RAB38: variants seen among roughly 807,000 people sequenced by gnomAD.
RAB38 encodes ras-related protein Rab-38.
Under a neutral mutation model 18.4 loss-of-function variants are expected in RAB38, and 15 were observed. The observed-to-expected ratio is 0.82, with a 90% CI of 0.55 to 1.26. The LOEUF is 1.26. Ranked by LOEUF, RAB38 falls within the 50% of genes most tolerant of loss-of-function variation. The pLI is 0.00. For missense variants in RAB38, 294 were observed against 267.4 expected, an observed-to-expected ratio of 1.10 and a Z score of -0.69; for synonymous variants, 101 against 104.4, an observed-to-expected ratio of 0.97 and a Z score of 0.20.
the RAB38 span, among the ~76,000 whole-genome samples, chr11:88,045,837 C>T: frequency 8.5e-5 from 13 of 152,122 alleles, no homozygotes; most frequent in African/African-American, 1.4e-4. Context: ...CGGGTATTGA[C>T]GGCCAGGCTT....
chr11:88,131,331 T>G (rs1202126330), intron 2 of RAB38, among the ~76,000 whole-genome samples: 1 of 152,214 alleles, frequency 6.6e-6, no homozygotes, highest in Non-Finnish European at 1.5e-5. Flanking sequence ...CCATTATTAA[T>G]TTCCATTTTT....
the RAB38 span, among the ~76,000 whole-genome samples, chr11:88,074,042 T>C: frequency 8.0e-6 from 1 of 124,814 alleles, no homozygotes; most frequent in Non-Finnish European, 1.7e-5. Flanking sequence ...TATAGAAAAT[T>C]CCCTAAAAAA....
chr11:87,865,186 G>GA, the RAB38 span, among the ~76,000 whole-genome samples: 416 of 151,694 alleles, frequency 2.7e-3, 15 homozygotes, highest in Admixed American at 0.025. Context: ...AACATCCCCC[G>GA]AAGATGTCCA....
At chr11:87,971,402 TTG>T in the RAB38 span, among the ~76,000 whole-genome samples, 8 of 152,080 alleles carry the variant, frequency 5.3e-5, no homozygotes, top group Admixed American at 3.9e-4. Flanking sequence ...GCCCTGCAAA[TTG>T]TGTTTTAATG....
At chr11:88,142,776 A>G (rs961234006) in intron 2 of RAB38, among the ~76,000 whole-genome samples, 2 of 152,244 alleles carry the variant, frequency 1.3e-5, no homozygotes, top group African/African-American at 4.8e-5. Context: ...CATGGACAAA[A>G]GCAGAAAGAT....
In RAB38 at chr11:88,172,004, GT is replaced by G. The variant is rs1455557642; in HGVS notation, c.202+3178del. Among the ~76,000 whole-genome samples, 23 of 152,228 alleles carry G rather than the reference GT, an allele frequency of 1.5e-4. 1 individual carries two copies. Among genetic ancestry groups the G allele is most frequent in the Admixed American group, 1.5e-3 (23 of 15,280 alleles). On this transcript the variant is annotated intron_variant, in intron 1 of 2. Coordinates refer to ENST00000243662, the MANE Select transcript of RAB38 (RefSeq NM_022337.3). ...AATCCAGTTAGAAAGGAGAAGGTAA[GT>G]TTAACCCACCTACTAATGAAACAAC...
At chr11:88,126,056 T>C (rs1371695906) in intron 2 of RAB38, among the ~76,000 whole-genome samples, 2 of 152,212 alleles carry the variant, frequency 1.3e-5, no homozygotes, top group Non-Finnish European at 2.9e-5. Flanking sequence ...GAGGACTCTG[T>C]TCTGTTCCAT....
At chr11:88,027,692 G>C in the RAB38 span, among the ~76,000 whole-genome samples, 5 of 152,098 alleles carry the variant, frequency 3.3e-5, no homozygotes, top group Non-Finnish European at 7.3e-5. Context: ...CATTGCCCAG[G>C]CTTGCTTAGG....
chr11:87,965,571 T>A, the RAB38 span, among the ~76,000 whole-genome samples: 40 of 152,284 alleles, frequency 2.6e-4, no homozygotes, highest in Non-Finnish European at 4.9e-4. Flanking sequence ...CAGGCTCTAT[T>A]CCTGTGGGGT....
At chr11:88,023,868 A>C in the RAB38 span, among the ~76,000 whole-genome samples, 8 of 152,152 alleles carry the variant, frequency 5.3e-5, no homozygotes, top group African/African-American at 1.4e-4. Context: ...CTTGATCCAT[A>C]TCTCTCACCT....
chr11:87,833,629 G>A, the RAB38 span, among the ~76,000 whole-genome samples: 2 of 152,138 alleles, frequency 1.3e-5, no homozygotes, highest in Non-Finnish European at 2.9e-5. Context: ...CAAAAATCTT[G>A]TAAGTACTGT....
the RAB38 span, among the ~76,000 whole-genome samples, chr11:87,822,888 A>G: frequency 6.6e-6 from 1 of 152,236 alleles, no homozygotes; most frequent in South Asian, 2.1e-4. Flanking sequence ...CAGAAAGGAA[A>G]CTAATGCAAT....
the RAB38 span, among the ~76,000 whole-genome samples, chr11:87,868,334 G>C: frequency 1.3e-5 from 2 of 151,542 alleles, no homozygotes; most frequent in South Asian, 2.1e-4. Context: ...GTCAGCTCCT[G>C]TTCACCTTCC....
the RAB38 span, among the ~76,000 whole-genome samples, chr11:87,858,350 C>G: frequency 4.6e-5 from 7 of 152,030 alleles, no homozygotes; most frequent in African/African-American, 7.2e-5. Context: ...TCTCTTTAAT[C>G]CTCTACTCTG....
chr11:88,166,736 C>G (rs1416780929), intron 1 of RAB38: 2 of 152,084 alleles, frequency 1.3e-5, no homozygotes, highest in Non-Finnish European at 1.5e-5. Context: ...TATTTAAGGA[C>G]ATTTCCCAGT....
At chr11:88,078,070 A>C in the RAB38 span, among the ~76,000 whole-genome samples, 1 of 152,108 alleles carries the variant, frequency 6.6e-6, no homozygotes, top group Admixed American at 6.6e-5. Context: ...TATATTAAAA[A>C]ATCCTCAACA....
the RAB38 span, among the ~76,000 whole-genome samples, chr11:87,880,323 C>G: frequency 6.6e-6 from 1 of 151,668 alleles, no homozygotes; most frequent in East Asian, 2.0e-4. Context: ...TATATCCCTT[C>G]GAGTCCTGGC....
the RAB38 span, among the ~76,000 whole-genome samples, chr11:87,927,236 A>G: frequency 6.6e-6 from 1 of 152,048 alleles, no homozygotes; most frequent in Non-Finnish European, 1.5e-5. Flanking sequence ...TAGGGATTAT[A>G]TTAAATATAT....
At chr11:87,852,245 A>C in the RAB38 span, among the ~76,000 whole-genome samples, 1 of 152,042 alleles carries the variant, frequency 6.6e-6, no homozygotes, top group South Asian at 2.1e-4. Flanking sequence ...TGTATGACCT[A>C]CTCTATGGGA....
Sources: allele counts gnomAD v4.1 joint callset (sites outside exome capture counted in the v4.1 genomes callset), GRCh38; gene constraint gnomAD v4.1.1; transcripts MANE v1.5; gene names NCBI Gene and HGNC (gene_info 2026-07-23, HGNC 2026-07-21).